Variants in DAB2IP observed in about 807,000 individuals in gnomAD.
The protein encoded by DAB2IP is DAB2 interacting protein, also known as disabled homolog 2-interacting protein.
A neutral mutation model predicts 107.2 loss-of-function variants in DAB2IP; 28 were observed. That is an observed-to-expected ratio of 0.26 (90% CI 0.19 to 0.36). DAB2IP has a LOEUF of 0.36. Among genes scored for constraint, DAB2IP ranks in the 10% least tolerant of loss-of-function variants. DAB2IP has a pLI of 1.00. For synonymous variants in DAB2IP, 755 were observed against 706.4 expected, an observed-to-expected ratio of 1.07 and a Z score of -1.09; for missense variants, 1,400 against 1,644.7, an observed-to-expected ratio of 0.85 and a Z score of 2.57.
At chr9:121,783,409 G>C in exon 16 of DAB2IP, 1 of 1,593,924 alleles carries the variant, frequency 6.3e-7, no homozygotes, top group Non-Finnish European at 8.5e-7. Context: ...GGTCCTGTAG[G>C]GAGTGCCACC....
At chr9:121,686,930 C>T (rs1434244170) in intron 2 of DAB2IP, among the ~76,000 whole-genome samples, 1 of 152,222 alleles carries the variant, frequency 6.6e-6, no homozygotes, top group African/African-American at 2.4e-5. Flanking sequence ...GGGCTCAGCC[C>T]TGGCAGTAGA....
rs1285471272 is a variant in DAB2IP, at chr9:121,684,963, G to A, written c.228+6182G>A. Among the ~76,000 whole-genome samples, 2 of 152,216 alleles carry A rather than the reference G, an allele frequency of 1.3e-5. No homozygotes were observed. The highest frequency in any genetic ancestry group is 1.9e-4 in the East Asian group (1 of 5,188). On this transcript the variant is annotated intron_variant, in intron 2 of 15. Coordinates refer to ENST00000408936, the Ensembl canonical transcript of DAB2IP. This position sits in a 1 kb window ranked among gnomAD's most constrained non-coding sequence, Gnocchi z 4.0. ...GGATGTCAGCCACGTGGTCCTGGCTGTAACAGGGCGGTAGTGCTGGACCCC... is the reference window on the plus strand; with the variant it reads ...GGATGTCAGCCACGTGGTCCTGGCTATAACAGGGCGGTAGTGCTGGACCCC...
At chr9:121,737,285 T>C in intron 3 of DAB2IP, 1 of 985,472 alleles carries the variant, frequency 1.0e-6, no homozygotes, top group Non-Finnish European at 1.2e-6. Context: ...ACCTGGAGGT[T>C]GTGCCATGTG....
At chr9:121,581,100 T>A (rs912525591) in intron 1 of DAB2IP, among the ~76,000 whole-genome samples, 10 of 152,282 alleles carry the variant, frequency 6.6e-5, no homozygotes, top group African/African-American at 2.4e-4. Context: ...GGAACAGGGT[T>A]GTGCTGGGTC....
chr9:121,741,452 G>T (rs903817003), intron 3 of DAB2IP, among the ~76,000 whole-genome samples: 1 of 152,156 alleles, frequency 6.6e-6, no homozygotes, highest in Non-Finnish European at 1.5e-5. Flanking sequence ...TTAGGCTCTC[G>T]CTTCCCTCCT....
chr9:121,737,601 G>C (rs1444489863), intron 3 of DAB2IP: 27 of 985,430 alleles, frequency 2.7e-5, no homozygotes, highest in Non-Finnish European at 3.3e-5. Flanking sequence ...CGGGCCGGAG[G>C]GGCTGCTCAC....
chr9:121,590,211 C>T (rs930495175), intron 1 of DAB2IP, among the ~76,000 whole-genome samples: 6 of 150,378 alleles, frequency 4.0e-5, no homozygotes, highest in African/African-American at 1.5e-4. Flanking sequence ...TGTGCATTTC[C>T]ACTACTTATG....
chr9:121,697,191 A>G (rs1393755993), intron 2 of DAB2IP, among the ~76,000 whole-genome samples: 1 of 152,192 alleles, frequency 6.6e-6, no homozygotes, highest in African/African-American at 2.4e-5. Flanking sequence ...AGACGGGAGA[A>G]AACTTTTTTG....
chr9:121,781,838 G>A (rs1835678782), intron 15 of DAB2IP, among the ~76,000 whole-genome samples: 2 of 152,184 alleles, frequency 1.3e-5, no homozygotes, highest in Admixed American at 6.5e-5. Flanking sequence ...GGGCAGTGGG[G>A]GTAGGAGTGA....
intron 3 of DAB2IP, among the ~76,000 whole-genome samples, chr9:121,716,746 T>C (rs1487494036): frequency 6.6e-6 from 1 of 152,150 alleles, no homozygotes; most frequent in Non-Finnish European, 1.5e-5. Flanking sequence ...AGGAATGTGA[T>C]GGGGAAACAA....
Position 121,760,374 on chromosome 9 carries a change from G to T in DAB2IP, c.1105G>T (p.Ala369Ser). 1 of 1,611,364 alleles carries T rather than the reference G, an allele frequency of 6.2e-7. No individual in the cohort carries two copies. Among genetic ancestry groups the T allele is most frequent in the Non-Finnish European group, 8.5e-7 (1 of 1,179,978 alleles). ...TGCAGCCCTCGAGCCCATCCTCAGT[G>T]CCAAGACCAAGGAGGAGATGGCATC... Residue 369 changes from alanine (A) to serine (S), a missense_variant, in exon 6 of 16, where the codon GCC becomes TCC. Around this residue, in one of 3 missense-constraint regions of DAB2IP, gnomAD observed 517 missense variants for 748.6 expected, o/e 0.69. Transcript: ENST00000408936. This position sits in a 1 kb window ranked among gnomAD's most constrained non-coding sequence, Gnocchi z 5.9.
intron 2 of DAB2IP, among the ~76,000 whole-genome samples, chr9:121,683,046 C>G (rs528481972): frequency 6.6e-6 from 1 of 152,260 alleles, no homozygotes; most frequent in African/African-American, 2.4e-5. Flanking sequence ...GATTCAAACC[C>G]AGGTCTGTCT....
Position 121,582,303 on chromosome 9 carries a change from G to GC in DAB2IP, c.40+15077dup, listed in dbSNP as rs1392610661. 3.9e-5 allele frequency among the ~76,000 whole-genome samples: 6 copies of GC among 152,238 alleles called. No homozygotes were observed. In the East Asian group the frequency reaches 7.7e-4, roughly 20 times the overall value. ...GGTCAGGGACTGCCTTGAGGTGGGG[G>GC]CCAGGCCAGGGTGGGATGAGCAGCC... On this transcript the variant is annotated intron_variant, in intron 1 of 16. Coordinates refer to the DAB2IP transcript ENST00000259371.
chr9:121,616,302 C>CT (rs1328900978), intron 1 of DAB2IP, among the ~76,000 whole-genome samples: 1 of 152,132 alleles, frequency 6.6e-6, no homozygotes, highest in Non-Finnish European at 1.5e-5. Flanking sequence ...TTAGAGTCCT[C>CT]TTTTTTATCT....
At position 121,701,996 on chromosome 9, in the gene DAB2IP, C is replaced by T. The variant is rs1024195036; in HGVS notation, c.362+2538C>T. On this transcript the variant is annotated intron_variant, in intron 3 of 15. Coordinates refer to ENST00000408936, the Ensembl canonical transcript of DAB2IP. The surrounding 1 kb of genome is among the most constrained non-coding windows in gnomAD (Gnocchi z 4.7). ...CTAGCCTCAGTGAGTGGGTGGGACA[C>T]GAGTGGGAAGGACGGTGGGGGCTTC... Among the ~76,000 whole-genome samples, 3 of 152,068 alleles carry T rather than the reference C, an allele frequency of 2.0e-5. No individual in the cohort carries two copies. Among genetic ancestry groups the T allele is most frequent in the Non-Finnish European group, 4.4e-5 (3 of 68,014 alleles).
intron 1 of DAB2IP, among the ~76,000 whole-genome samples, chr9:121,677,747 C>T (rs976298409): frequency 2.0e-4 from 31 of 152,114 alleles, no homozygotes; most frequent in African/African-American, 9.6e-5. Context: ...CTGCAACTTT[C>T]GCCTCCCGGG....
intron 1 of DAB2IP, among the ~76,000 whole-genome samples, chr9:121,672,732 A>G (rs1833732910): frequency 6.6e-6 from 1 of 152,100 alleles, no homozygotes; most frequent in Admixed American, 6.5e-5. Flanking sequence ...ATCATGCTCG[A>G]AGGTCTGGGG....
chr9:121,754,473 C>T (rs1214833973), intron 3 of DAB2IP, among the ~76,000 whole-genome samples: 2 of 152,224 alleles, frequency 1.3e-5, no homozygotes, highest in African/African-American at 4.8e-5. Flanking sequence ...TCCCAGAGAG[C>T]TTGGGCTGCA....
rs952053368 is a variant in DAB2IP, at chr9:121,718,683, T to C, written c.362+19225T>C. On this transcript the variant is annotated intron_variant, in intron 3 of 15. Transcript: ENST00000408936. ...CAGTTCATGGCATTGTCAAGAGGAA[T>C]GAATGGGATTTGCAGCTAAATGCTT... is the stretch of plus-strand genomic sequence containing the variant. Among the ~76,000 whole-genome samples the C allele has an allele frequency of 2.0e-5, 3 of 152,234 alleles. 1 individual carries two copies. Among genetic ancestry groups the C allele is most frequent in the African/African-American group, 7.2e-5 (3 of 41,466 alleles).
Sources: gnomAD v4.1 joint callset for allele counts (sites outside exome capture counted in the v4.1 genomes callset) on GRCh38, gnomAD v4.1.1 for gene constraint, gnomAD v4.1.1 regional missense constraint, Gnocchi (gnomAD v3.1) non-coding constraint, MANE v1.5 for transcripts, NCBI Gene and HGNC (gene_info 2026-07-23, HGNC 2026-07-21) for gene names.